The following CEP78 variants were observed in gnomAD, a reference collection of about 807,000 sequenced individuals.
The protein encoded by CEP78 is centrosomal protein 78, also known as centrosomal protein of 78 kDa.
A neutral mutation model predicts 81.2 loss-of-function variants in CEP78; 76 were observed. That is an observed-to-expected ratio of 0.94 (90% CI 0.78 to 1.13). The LOEUF (loss-of-function observed/expected upper bound fraction) is 1.13. CEP78 is among the 50% of genes most tolerant of loss of function. The pLI is 0.00. For missense variants in CEP78, 918 were observed against 846.8 expected, an observed-to-expected ratio of 1.08 and a Z score of -1.04; for synonymous variants, 293 against 301.4, an observed-to-expected ratio of 0.97 and a Z score of 0.29.
intron 11 of CEP78, among the ~76,000 whole-genome samples, chr9:78,257,368 GA>G (rs1309648216): frequency 1.3e-5 from 2 of 152,204 alleles, no homozygotes; most frequent in African/African-American, 2.4e-5. Flanking sequence ...AGTGGGGGCT[GA>G]ATAGGACATT....
chr9:78,236,699 G>A (rs1383809327), intron 1 of CEP78, 96 bp downstream of exon 1: 7 of 1,439,764 alleles, frequency 4.9e-6, no homozygotes, highest in Non-Finnish European at 6.4e-6. Flanking sequence ...TGCAATAGAA[G>A]GGGTGTGCGG....
intron 10 of CEP78, 38 bp downstream of exon 10, chr9:78,253,315 G>A: frequency 1.1e-6 from 1 of 901,620 alleles, no homozygotes; most frequent in Middle Eastern, 2.1e-4. Flanking sequence ...TAGGGGATTG[G>A]AATGGGAAGG....
At position 78,236,466 on chromosome 9, in the gene CEP78, G is replaced by C. The variant is rs779694885; in HGVS notation, c.116G>C (p.Arg39Pro). ...CTGCCCGCCGTGCGCGCCTGTCTCC[G>C]GGAGGGCGTGCTGGATTTCAACGCC... ...VPLPAVRACL[R>P]EGVLDFNADR... Residue 39 changes from arginine (R) to proline (P), a missense_variant, in exon 1 of 17, where the codon CGG becomes CCG. Arg to Pro is a moderately radical substitution (Grantham distance 103). Coordinates refer to ENST00000643273, the MANE Select transcript of CEP78 (RefSeq NM_001330691.3). 18 of 1,606,306 alleles carry C rather than the reference G, an allele frequency of 1.1e-5. No homozygotes were observed. The Middle Eastern group carries it at 5.0e-4, about 44-fold the overall frequency.
intron 4 of CEP78, among the ~76,000 whole-genome samples, chr9:78,242,040 T>G (rs1826257820): frequency 6.6e-6 from 1 of 152,216 alleles, no homozygotes; most frequent in Admixed American, 6.5e-5. Context: ...AAATACAGTT[T>G]GTAAAACAGT....
Position 78,275,970 on chromosome 9 carries a change from C to G in CEP78, c.*5119C>G, listed in dbSNP as rs1357917921. 1 of 152,126 alleles carries G rather than the reference C, an allele frequency of 6.6e-6. No homozygotes were observed. The highest frequency in any genetic ancestry group is 1.5e-5 in the Non-Finnish European group (1 of 68,116). 9.4% of individuals were successfully genotyped at this position (152,126 alleles called of 1,614,324 possible). On this transcript the variant is annotated 3_prime_UTR_variant, in exon 17 of 17. Transcript: ENST00000643273. The stretch of plus-strand genomic sequence containing the variant: ...TCAAGAAGAGAAAAAGAAAAACCTT[C>G]CAGGGGCACATTTATTTGTAAACCA...
Position 78,274,102 on chromosome 9 carries a change from C to G in CEP78, c.*3251C>G, listed in dbSNP as rs770938839. The stretch of plus-strand genomic sequence containing the variant: ...CTGTGCGTGGATATTTATAGCAGCT[C>G]CATTCATAGTGACCAAGATGTCTTC... On this transcript the variant is annotated 3_prime_UTR_variant, in exon 17 of 17. Coordinates refer to ENST00000643273, the MANE Select transcript of CEP78 (RefSeq NM_001330691.3). 3 of 152,246 alleles carry G rather than the reference C, an allele frequency of 2.0e-5. No homozygotes were observed. The highest frequency in any genetic ancestry group is 4.4e-5 in the Non-Finnish European group (3 of 68,044). The allele number at this position is 152,246 out of a possible 1,614,324, so 9.4% of individuals were successfully genotyped here.
chr9:78,266,988 C>A, intron 16 of CEP78: 1 of 1,385,734 alleles, frequency 7.2e-7, no homozygotes, highest in South Asian at 1.5e-5. Flanking sequence ...CATCCATTCT[C>A]TATCACACCT....
At chr9:78,266,023 G>A (rs1038118634) in intron 15 of CEP78, 117 bp downstream of exon 15, 2 of 629,050 alleles carry the variant, frequency 3.2e-6, no homozygotes, top group East Asian at 2.8e-5. Flanking sequence ...TGCCACAGGA[G>A]TCCCCTGCTG....
At chr9:78,257,550 A>G (rs945405529) in intron 11 of CEP78, among the ~76,000 whole-genome samples, 2 of 152,154 alleles carry the variant, frequency 1.3e-5, no homozygotes, top group Non-Finnish European at 2.9e-5. Flanking sequence ...TGAGAGCTTA[A>G]AAAATCCTTG....
chr9:78,262,084 G>A (rs994582332), intron 11 of CEP78, among the ~76,000 whole-genome samples: 1 of 151,932 alleles, frequency 6.6e-6, no homozygotes, highest in Non-Finnish European at 1.5e-5. Flanking sequence ...CCACATCAGA[G>A]AATCTTACTT....
intron 1 of CEP78, among the ~76,000 whole-genome samples, chr9:78,236,969 CTTTT>C (rs71360676): frequency 1.4e-3 from 90 of 62,090 alleles, no homozygotes; most frequent in African/African-American, 3.7e-3. Context: ...CAGCCTTTGT[CTTTT>C]TTTTTTTTTT....
intron 5 of CEP78, among the ~76,000 whole-genome samples, chr9:78,244,207 A>G (rs575531196): frequency 7.0e-6 from 1 of 143,000 alleles, no homozygotes; most frequent in Non-Finnish European, 1.5e-5. Context: ...TGGTGTAATC[A>G]TACCGCGCTG....
At position 78,248,877 on chromosome 9, in the gene CEP78, A is replaced by G; in HGVS notation, c.1069+4A>G. The stretch of plus-strand genomic sequence containing the variant: ...GGAAAAGCTACTATTAGAATTGGTA[A>G]CCTTTTCTGTCTTGGCTTTTTAATG... On this transcript the variant is annotated splice_donor_region_variant and intron_variant, in intron 8 of 16. Coordinates refer to ENST00000643273, the MANE Select transcript of CEP78 (RefSeq NM_001330691.3). 1.4e-6 allele frequency: 2 copies of G among 1,466,948 alleles called. No individual in the cohort carries two copies. The highest frequency in any genetic ancestry group is 1.9e-6 in the Non-Finnish European group (2 of 1,064,342). The allele number at this position is 1,466,948 out of a possible 1,614,324, so 90.9% of individuals were successfully genotyped here. A position where few individuals can be genotyped will look rare whatever the true frequency, so the allele number is the denominator to read the frequency against.
intron 1 of CEP78, 55 bp downstream of exon 1, chr9:78,236,658 A>G: frequency 1.3e-6 from 2 of 1,506,970 alleles, no homozygotes; most frequent in South Asian, 2.7e-5. Flanking sequence ...GTGGGTTTTT[A>G]GGTGAGTGGT....
At position 78,236,517 on chromosome 9, in the gene CEP78, C is replaced by G. The variant is rs878905366; in HGVS notation, c.167C>G (p.Ala56Gly). ...GACCGCCTCCGCGGGGTGGACTGGG[C>G]GCCTCTGCTGAGCACCCTCAAGATC... ...NADRLRGVDW[A>G]PLLSTLKINK... is the part of the protein sequence containing the mutation. Residue 56 changes from alanine (A) to glycine (G), a missense_variant, in exon 1 of 17, where the codon GCG becomes GGG. Physicochemically the swap from Ala to Gly is moderately conservative, Grantham distance 60 (BLOSUM62 0). Transcript: ENST00000643273. 6.2e-7 allele frequency: 1 copy of G among 1,606,588 alleles called. No homozygotes were observed. Among genetic ancestry groups the G allele is most frequent in the South Asian group, 1.1e-5 (1 of 89,670 alleles).
intron 8 of CEP78, 67 bp from the exon 9 acceptor site, chr9:78,251,841 C>T (rs1826774635): frequency 2.8e-6 from 4 of 1,429,134 alleles, no homozygotes; most frequent in Non-Finnish European, 3.8e-6. Context: ...AGAGTATGCA[C>T]ATGTGCCTAT....
rs1382897628 is a variant in CEP78, at chr9:78,240,253, A to G, written c.427-39A>G. On this transcript the variant is annotated intron_variant, in intron 2 of 16. Transcript: ENST00000643273. The stretch of plus-strand genomic sequence containing the variant: ...TGATAGTTGCTTTTAGAGGAAAAAA[A>G]ACCTCAATAACATTTTTAACTTTTC... The G allele has an allele frequency of 1.9e-6, 3 of 1,611,896 alleles. No individual in the cohort carries two copies. In the East Asian group the frequency reaches 6.7e-5, roughly 36 times the overall value.
intron 14 of CEP78, 121 bp downstream of exon 14, chr9:78,265,664 G>T: frequency 1.0e-6 from 1 of 956,066 alleles, no homozygotes; most frequent in African/African-American, 1.7e-5. Context: ...GCATCTTTGG[G>T]GTCCTTTCCA....
At chr9:78,266,788 G>A (rs780703731) in intron 16 of CEP78, 85 bp downstream of exon 16, 2 of 1,542,476 alleles carry the variant, frequency 1.3e-6, no homozygotes, top group Non-Finnish European at 1.7e-6. Context: ...AACCAGAAAA[G>A]CAAAGAAACT....
Sources: allele counts gnomAD v4.1 joint callset (sites outside exome capture counted in the v4.1 genomes callset), GRCh38; gene constraint gnomAD v4.1.1; transcripts MANE v1.5; gene names NCBI Gene and HGNC (gene_info 2026-07-23, HGNC 2026-07-21).